Variants in COL19A1 observed in about 807,000 individuals in gnomAD.
COL19A1 encodes collagen alpha-1(XIX) chain.
In COL19A1, 159 loss-of-function variants were observed where a neutral mutation model predicts 190.2. The observed-to-expected ratio is 0.84, with a 90% CI of 0.73 to 0.95. COL19A1 has a LOEUF of 0.95. Among genes scored for constraint, COL19A1 ranks in the 40% least tolerant of loss-of-function variants. The pLI is 0.00. For synonymous variants in COL19A1, 509 were observed against 458.9 expected, an observed-to-expected ratio of 1.11 and a Z score of -1.39; for missense variants, 1,418 against 1,431.9, an observed-to-expected ratio of 0.99 and a Z score of 0.16.
rs1034584736 is a variant in COL19A1, at chr6:69,992,653, T to C, written c.1026+29783T>C. Among the ~76,000 whole-genome samples the C allele has an allele frequency of 1.1e-4, 16 of 152,198 alleles. 1 individual carries two copies. Among genetic ancestry groups the C allele is most frequent in the Admixed American group, 6.6e-4 (10 of 15,260 alleles). ...TTTCAGTAGTGTTTGGTAATTCTCA[T>C]TGTAGAGATCTTTCACTTCCCTGGT... On this transcript the variant is annotated intron_variant, in intron 11 of 50. Transcript: ENST00000620364.
At chr6:70,003,484 A>G (rs1300765605) in intron 11 of COL19A1, among the ~76,000 whole-genome samples, 1 of 152,120 alleles carries the variant, frequency 6.6e-6, no homozygotes, top group Non-Finnish European at 1.5e-5. Flanking sequence ...AAAGTCTCCC[A>G]CTATTATTGT....
At chr6:69,871,727 A>T (rs990294846) in intron 1 of COL19A1, among the ~76,000 whole-genome samples, 2 of 151,894 alleles carry the variant, frequency 1.3e-5, no homozygotes, top group Non-Finnish European at 2.9e-5. Flanking sequence ...AAAAATGTTA[A>T]TGTTTCACAG....
chr6:70,185,174 T>C (rs2150291228), intron 46 of COL19A1, among the ~76,000 whole-genome samples: 1 of 152,344 alleles, frequency 6.6e-6, no homozygotes, highest in East Asian at 1.9e-4. Flanking sequence ...TTTATTATCC[T>C]CCTGTCTTAG....
intron 34 of COL19A1, among the ~76,000 whole-genome samples, chr6:70,160,793 G>A (rs970919706): frequency 6.6e-6 from 1 of 152,060 alleles, no homozygotes; most frequent in Non-Finnish European, 1.5e-5. Flanking sequence ...ATAAAAGCCT[G>A]TATGTATCAT....
intron 4 of COL19A1, among the ~76,000 whole-genome samples, chr6:69,926,145 G>T (rs1181882660): frequency 2.0e-5 from 3 of 152,106 alleles, no homozygotes; most frequent in African/African-American, 7.2e-5. Context: ...TGGTGAGAGA[G>T]GGCATCCCTG....
At chr6:69,898,310 G>A (rs1016933714) in intron 2 of COL19A1, among the ~76,000 whole-genome samples, 25 of 152,282 alleles carry the variant, frequency 1.6e-4, no homozygotes, top group African/African-American at 5.5e-4. Flanking sequence ...ATTGGTGTGT[G>A]CATATCCATT....
rs962270428 is a variant in COL19A1 at position 69,961,804 on chromosome 6, G to GTA, written c.982-1011_982-1010dup. The stretch of plus-strand genomic sequence containing the variant: ...CATAAACATATATGCAATTATGTGG[G>GTA]TATATATATATAAAAAACATACTCA... On this transcript the variant is annotated intron_variant, in intron 10 of 50. Coordinates refer to ENST00000620364, the MANE Select transcript of COL19A1 (RefSeq NM_001858.6). Among the ~76,000 whole-genome samples, 18 of 151,458 alleles carry GTA rather than the reference G, an allele frequency of 1.2e-4. No homozygotes were observed. In the South Asian group the frequency reaches 1.7e-3, roughly 14 times the overall value.
chr6:70,185,358 A>T (rs1378611364), intron 46 of COL19A1, among the ~76,000 whole-genome samples: 1 of 152,166 alleles, frequency 6.6e-6, no homozygotes, highest in Non-Finnish European at 1.5e-5. Flanking sequence ...TAGCGCCACC[A>T]TCCCTCCAAT....
chr6:70,048,765 G>A (rs1218363160), intron 14 of COL19A1, among the ~76,000 whole-genome samples: 1 of 151,924 alleles, frequency 6.6e-6, no homozygotes, highest in Admixed American at 6.6e-5. Context: ...TCGTTTTTTA[G>A]TTCCATTTAA....
chr6:70,069,742 A>C (rs990853496), intron 15 of COL19A1, among the ~76,000 whole-genome samples: 2 of 152,144 alleles, frequency 1.3e-5, no homozygotes, highest in Admixed American at 6.6e-5. Flanking sequence ...TCAGGTCTTC[A>C]CCCAGCCCGT....
chr6:69,960,853 G>A (rs1046505386), intron 10 of COL19A1, among the ~76,000 whole-genome samples: 6 of 151,816 alleles, frequency 4.0e-5, no homozygotes, highest in African/African-American at 1.4e-4. Flanking sequence ...GGATGGTCTC[G>A]ATCTCCTGAC....
chr6:70,178,795 T>A (rs1045824146), intron 42 of COL19A1, among the ~76,000 whole-genome samples: 2 of 152,164 alleles, frequency 1.3e-5, no homozygotes, highest in African/African-American at 4.8e-5. Flanking sequence ...TTCCTGTATA[T>A]TCAGGGCTAA....
chr6:69,921,404 T>TC lies in COL19A1; in HGVS notation c.267-6505_267-6504insC, dbSNP rs1561997951. On this transcript the variant is annotated intron_variant, in intron 4 of 50. Transcript: ENST00000620364. Reference sequence around the variant, plus strand: ...TATATATCATATATATCATATATCATATATATCATATATCATATATATCAT... The same window carrying TC: ...TATATATCATATATATCATATATCATCATATATCATATATCATATATATCAT... 1.0e-3 allele frequency among the ~76,000 whole-genome samples: 101 copies of TC among 96,642 alleles called. 3 individuals are homozygous for TC. The highest frequency in any genetic ancestry group is 3.8e-3 in the African/African-American group (68 of 17,830). The allele number at this position is 96,642 out of a possible 152,430, so 63.4% of individuals were successfully genotyped here. A position where few individuals can be genotyped will look rare whatever the true frequency, so the allele number is the denominator to read the frequency against.
intron 2 of COL19A1, among the ~76,000 whole-genome samples, chr6:69,884,415 GA>G (rs1768776019): frequency 6.6e-6 from 1 of 151,892 alleles, no homozygotes; most frequent in African/African-American, 2.4e-5. Context: ...CTTAAGATTA[GA>G]ATGCCTAGCA....
intron 11 of COL19A1, among the ~76,000 whole-genome samples, chr6:69,993,916 G>T (rs1438243181): frequency 5.3e-5 from 8 of 151,180 alleles, no homozygotes; most frequent in African/African-American, 1.9e-4. Flanking sequence ...TGGTTTTGTT[G>T]ATCTTTTGTA....
chr6:70,162,454 TG>T (rs982689577), intron 35 of COL19A1, among the ~76,000 whole-genome samples: 4 of 152,208 alleles, frequency 2.6e-5, no homozygotes, highest in African/African-American at 9.6e-5. Flanking sequence ...TTCACTGTCT[TG>T]TTTTCCTAGA....
At chr6:70,106,119 G>C (rs1783943818) in intron 16 of COL19A1, among the ~76,000 whole-genome samples, 2 of 152,148 alleles carry the variant, frequency 1.3e-5, no homozygotes, top group African/African-American at 2.4e-5. Flanking sequence ...ATTCGGGGGA[G>C]TGTCAGTGAA....
intron 18 of COL19A1, among the ~76,000 whole-genome samples, chr6:70,132,946 G>A (rs537416142): frequency 2.6e-5 from 4 of 152,270 alleles, no homozygotes; most frequent in African/African-American, 7.2e-5. Flanking sequence ...TTAAATAAGA[G>A]GAAGTTACTC....
intron 16 of COL19A1, among the ~76,000 whole-genome samples, chr6:70,119,226 A>G (rs1435707612): frequency 6.6e-6 from 1 of 152,204 alleles, no homozygotes; most frequent in Non-Finnish European, 1.5e-5. Context: ...GAATACAGTC[A>G]CAGACTAGGA....
Sources: allele counts gnomAD v4.1 joint callset (sites outside exome capture counted in the v4.1 genomes callset), GRCh38; gene constraint gnomAD v4.1.1; transcripts MANE v1.5; gene names NCBI Gene and HGNC (gene_info 2026-07-23, HGNC 2026-07-21).